Variants in VPS41 observed in about 807,000 individuals in gnomAD.
VPS41 encodes VPS41 subunit of HOPS complex.
Under a neutral mutation model 130.9 loss-of-function variants are expected in VPS41, and 85 were observed. The observed-to-expected ratio is 0.65, with a 90% CI of 0.55 to 0.78. VPS41 has a LOEUF of 0.78. Ranked by LOEUF, VPS41 falls within the 30% of genes least tolerant of loss-of-function variation. The pLI is 0.00. For synonymous variants in VPS41, 335 were observed against 332.9 expected, an observed-to-expected ratio of 1.01 and a Z score of -0.07; for missense variants, 874 against 1,018.7, an observed-to-expected ratio of 0.86 and a Z score of 1.93.
chr7:38,833,295 C>G (rs1229762456), intron 4 of VPS41, among the ~76,000 whole-genome samples: 2 of 152,214 alleles, frequency 1.3e-5, no homozygotes, highest in African/African-American at 2.4e-5. Flanking sequence ...CAAGCCTGCA[C>G]AGTGACACTA....
intron 4 of VPS41, 103 bp downstream of exon 4, chr7:38,862,442 G>A: frequency 1.6e-6 from 1 of 639,418 alleles, no homozygotes; most frequent in Non-Finnish European, 2.6e-6. Context: ...AATTAATAAA[G>A]ATCCTCTTTA....
chr7:38,799,884 G>A (rs550396126), intron 7 of VPS41, among the ~76,000 whole-genome samples: 20 of 152,006 alleles, frequency 1.3e-4, no homozygotes, highest in Non-Finnish European at 2.1e-4. Flanking sequence ...TGATAAAGAC[G>A]AATCAAAATG....
rs142048338 is a variant in VPS41 at position 38,827,360 on chromosome 7, C to T, written c.321+2894G>A. On this transcript the variant is annotated intron_variant, in intron 5 of 28. Coordinates refer to ENST00000310301, the MANE Select transcript of VPS41 (RefSeq NM_014396.4). ...GAGAAAGCAAAGTATATGTGTGAGA[C>T]GTCACACAATATGAATGAACAATTT... Among the ~76,000 whole-genome samples, 473 of 152,214 alleles carry T rather than the reference C, an allele frequency of 3.1e-3. 5 individuals carry two copies. Among genetic ancestry groups the T allele is most frequent in the African/African-American group, 0.011 (448 of 41,542 alleles).
At chr7:38,892,833 T>C (rs935351011) in intron 2 of VPS41, among the ~76,000 whole-genome samples, 1 of 152,160 alleles carries the variant, frequency 6.6e-6, no homozygotes, top group African/African-American at 2.4e-5. Flanking sequence ...AAAGCTGAAC[T>C]AGACACTGGA....
Position 38,890,417 on chromosome 7 carries a change from C to T in VPS41, c.60+7674G>A, listed in dbSNP as rs542497953. 3.3e-5 allele frequency among the ~76,000 whole-genome samples: 5 copies of T among 152,260 alleles called. No homozygotes were observed. In the South Asian group the frequency reaches 1.0e-3, roughly 32 times the overall value. ...TGGCTGTGACCAAAAAAAGATAGCA[C>T]AGGGAACCTTGTGATGAAACTGTCC... On this transcript the variant is annotated intron_variant, in intron 2 of 28. Transcript: ENST00000310301.
chr7:38,856,033 C>T (rs895641877), intron 4 of VPS41, among the ~76,000 whole-genome samples: 11 of 152,142 alleles, frequency 7.2e-5, no homozygotes, highest in Admixed American at 2.0e-4. Flanking sequence ...ACAGCCTTCC[C>T]GCTGTGTCCT....
At chr7:38,822,482 A>G (rs1785191308) in intron 5 of VPS41, among the ~76,000 whole-genome samples, 1 of 152,214 alleles carries the variant, frequency 6.6e-6, no homozygotes, top group Non-Finnish European at 1.5e-5. Flanking sequence ...TGTGAGATTT[A>G]GCCACACTGT....
chr7:38,747,931 A>C (rs973287827), intron 22 of VPS41, among the ~76,000 whole-genome samples: 3 of 152,370 alleles, frequency 2.0e-5, no homozygotes, highest in Admixed American at 1.3e-4. Context: ...GTTAGGAATG[A>C]CACGGAATGT....
At chr7:38,865,070 A>G (rs1394278476) in intron 3 of VPS41, among the ~76,000 whole-genome samples, 1 of 152,208 alleles carries the variant, frequency 6.6e-6, no homozygotes, top group Non-Finnish European at 1.5e-5. Context: ...CAACTGTCTA[A>G]TATCATCTAC....
At chr7:38,728,366 A>G in intron 27 of VPS41, 176 bp downstream of exon 27, 1 of 775,596 alleles carries the variant, frequency 1.3e-6, no homozygotes, top group Non-Finnish European at 2.2e-6. Flanking sequence ...CCTCAGCTCT[A>G]AGCAATGGCA....
At chr7:38,803,231 A>C (rs1784768199) in intron 7 of VPS41, among the ~76,000 whole-genome samples, 1 of 152,296 alleles carries the variant, frequency 6.6e-6, no homozygotes, top group African/African-American at 2.4e-5. Context: ...TGGTCACCTA[A>C]CGCCCATCAT....
chr7:38,863,880 G>T (rs901859210), intron 3 of VPS41, among the ~76,000 whole-genome samples: 4 of 152,120 alleles, frequency 2.6e-5, no homozygotes, highest in Admixed American at 2.6e-4. Flanking sequence ...AGGGGAAACA[G>T]GTAATTCTGG....
At chr7:38,757,043 A>C (rs1783809249) in intron 18 of VPS41, 61 bp from the exon 19 acceptor site, 23 of 1,301,800 alleles carry the variant, frequency 1.8e-5, no homozygotes, top group Non-Finnish European at 2.4e-5. Context: ...ACACACACAG[A>C]GAGATCATGG....
chr7:38,848,239 C>T (rs938566252), intron 4 of VPS41, among the ~76,000 whole-genome samples: 2 of 152,210 alleles, frequency 1.3e-5, no homozygotes, highest in East Asian at 1.9e-4. Flanking sequence ...CGACTTCACA[C>T]ACCTAATTAC....
intron 4 of VPS41, among the ~76,000 whole-genome samples, chr7:38,832,653 T>G (rs1785414189): frequency 6.6e-6 from 1 of 152,184 alleles, no homozygotes; most frequent in Non-Finnish European, 1.5e-5. Context: ...CTTATTCTTG[T>G]AAATTTTGAG....
At chr7:38,836,994 G>A (rs1045688774) in intron 4 of VPS41, among the ~76,000 whole-genome samples, 1 of 152,128 alleles carries the variant, frequency 6.6e-6, no homozygotes, top group Non-Finnish European at 1.5e-5. Context: ...AGTTTCTTTT[G>A]TAAGATACTA....
At chr7:38,899,990 G>A (rs567701073) in intron 1 of VPS41, among the ~76,000 whole-genome samples, 1 of 152,100 alleles carries the variant, frequency 6.6e-6, no homozygotes. Context: ...GCTCACGCCC[G>A]TAATCCCAGC....
intron 12 of VPS41, 48 bp downstream of exon 12, chr7:38,774,066 GA>G (rs751229874): frequency 7.4e-6 from 11 of 1,485,780 alleles, no homozygotes; most frequent in African/African-American, 6.8e-5. Flanking sequence ...GGAAGGGGGA[GA>G]AAAAAACATT....
At chr7:38,766,118 C>T (rs1202741082) in intron 15 of VPS41, among the ~76,000 whole-genome samples, 1 of 152,184 alleles carries the variant, frequency 6.6e-6, no homozygotes, top group Non-Finnish European at 1.5e-5. Context: ...ACTATATAAC[C>T]TGGAGGACTG....
Sources: allele counts gnomAD v4.1 joint callset (sites outside exome capture counted in the v4.1 genomes callset), GRCh38; gene constraint gnomAD v4.1.1; transcripts MANE v1.5; gene names NCBI Gene and HGNC (gene_info 2026-07-23, HGNC 2026-07-21).